OTOA: variants seen among roughly 807,000 people sequenced by gnomAD.
OTOA encodes cancer/testis antigen 108.
A neutral mutation model predicts 110.8 loss-of-function variants in OTOA; 70 were observed. The ratio of observed to expected loss-of-function variants is 0.63; its 90% CI spans 0.52 to 0.77. The LOEUF is 0.77. Ranked by LOEUF, OTOA falls within the 30% of genes least tolerant of loss-of-function variation. The pLI is 0.00. For synonymous variants in OTOA, 373 were observed against 431.5 expected (o/e 0.86, Z 1.68); for missense variants, 917 against 1,075.8 (o/e 0.85, Z 2.06).
At chr16:21,736,570 C>G (rs1374085326) in intron 22 of OTOA, among the ~76,000 whole-genome samples, 180 bp downstream of exon 22, 3 of 152,204 alleles carry the variant, frequency 2.0e-5, no homozygotes, top group Non-Finnish European at 2.9e-5. Flanking sequence ...GTTGCTCAAG[C>G]CTGTAATCCT....
chr16:21,714,259 C>A, intron 13 of OTOA, among the ~76,000 whole-genome samples: 1 of 141,784 alleles, frequency 7.1e-6, no homozygotes. Flanking sequence ...TTTTTTCTTT[C>A]TTTCTTTCTT....
At chr16:21,716,698 G>A (rs1898564423) in intron 14 of OTOA, among the ~76,000 whole-genome samples, 2 of 152,004 alleles carry the variant, frequency 1.3e-5, no homozygotes, top group South Asian at 4.1e-4. Flanking sequence ...AGACAGACTT[G>A]GGCTTGAATG....
At chr16:21,691,855 C>A (rs926553771) in intron 9 of OTOA, among the ~76,000 whole-genome samples, 168 bp downstream of exon 9, 5 of 152,142 alleles carry the variant, frequency 3.3e-5, no homozygotes, top group Admixed American at 1.3e-4. Context: ...ACACATACTC[C>A]ATTTCGTCAA....
intron 17 of OTOA, among the ~76,000 whole-genome samples, chr16:21,719,865 G>A (rs1418085788): frequency 1.3e-5 from 2 of 152,046 alleles, no homozygotes; most frequent in Non-Finnish European, 2.9e-5. Flanking sequence ...ACAGTACTCT[G>A]AGAACATTTT....
chr16:21,759,513 C>G (rs1478079469), intron 28 of OTOA, among the ~76,000 whole-genome samples: 4 of 150,770 alleles, frequency 2.7e-5, no homozygotes, highest in Non-Finnish European at 5.9e-5. Flanking sequence ...TGCTGCAGCT[C>G]CTGACCTGAT....
intron 11 of OTOA, among the ~76,000 whole-genome samples, chr16:21,701,774 A>G (rs1898058012): frequency 2.6e-5 from 4 of 151,884 alleles, no homozygotes; most frequent in Admixed American, 2.0e-4. Context: ...GTGTGCCACC[A>G]TGCCCAGCTA....
At chr16:21,719,843 C>T (rs960129898) in intron 17 of OTOA, among the ~76,000 whole-genome samples, 7 of 152,160 alleles carry the variant, frequency 4.6e-5, no homozygotes, top group African/African-American at 1.7e-4. Context: ...CCAGGAGTAG[C>T]TGTGAATGCA....
At chr16:21,706,218 C>T (rs1281284026) in intron 12 of OTOA, among the ~76,000 whole-genome samples, 1 of 152,198 alleles carries the variant, frequency 6.6e-6, no homozygotes, top group African/African-American at 2.4e-5. Flanking sequence ...CTCCCATCTT[C>T]CTCTTCTTCC....
chr16:21,739,857 AT>A (rs1487410925), intron 22 of OTOA, among the ~76,000 whole-genome samples: 1 of 61,200 alleles, frequency 1.6e-5, no homozygotes, highest in African/African-American at 5.6e-5. Context: ...TTTATTTTTT[AT>A]TTTATTTTGA....
At chr16:21,679,286 T>A (rs1005703362) in intron 5 of OTOA, 75 bp downstream of exon 5, 5 of 1,488,744 alleles carry the variant, frequency 3.4e-6, no homozygotes, top group Non-Finnish European at 9.3e-7. Context: ...GTCTCTTAAT[T>A]GTAAAAAGTA....
intron 11 of OTOA, among the ~76,000 whole-genome samples, chr16:21,701,942 A>G (rs1340991172): frequency 7.9e-6 from 1 of 126,442 alleles, no homozygotes; most frequent in African/African-American, 3.1e-5. Context: ...TGGCCCATTC[A>G]ATCCTGTTTT....
intron 7 of OTOA, among the ~76,000 whole-genome samples, chr16:21,685,995 A>C (rs150488137): frequency 6.6e-6 from 1 of 152,296 alleles, no homozygotes; most frequent in African/African-American, 2.4e-5. Flanking sequence ...GCACTCAAGG[A>C]GCTCACGGTC....
intron 8 of OTOA, 89 bp from the exon 9 acceptor site, chr16:21,691,495 C>T: frequency 9.3e-7 from 1 of 1,071,118 alleles, no homozygotes; most frequent in Non-Finnish European, 1.4e-6. Flanking sequence ...CACAAGACAG[C>T]TTTGGGTCAC....
intron 14 of OTOA, 81 bp downstream of exon 14, chr16:21,715,233 G>A (rs1014225990): frequency 1.3e-6 from 2 of 1,582,512 alleles, no homozygotes; most frequent in Admixed American, 3.3e-5. Flanking sequence ...GTGACTTTGG[G>A]CCATGAACCC....
At chr16:21,681,893 G>GT (rs1227888072) in intron 6 of OTOA, 68 bp downstream of exon 6, 4 of 1,450,880 alleles carry the variant, frequency 2.8e-6, no homozygotes, top group Non-Finnish European at 3.9e-6. Flanking sequence ...CAGGGGCCAG[G>GT]TAAGTTGGAG....
At chr16:21,677,550 C>T (rs1362310089) in intron 1 of OTOA, among the ~76,000 whole-genome samples, 5 of 139,500 alleles carry the variant, frequency 3.6e-5, no homozygotes, top group South Asian at 2.3e-4. Flanking sequence ...GGCGTGATCT[C>T]GGCTCACTGC....
chr16:21,672,490 G>C (rs1431960244), intron 1 of OTOA, among the ~76,000 whole-genome samples: 1 of 151,954 alleles, frequency 6.6e-6, no homozygotes, highest in African/African-American at 2.4e-5. Context: ...GGGTGTGGTG[G>C]CGCATGCCTG....
Position 21,736,296 on chromosome 16 carries a change from G to A in OTOA, c.2337G>A (p.Met779Ile), listed in dbSNP as rs1899293350. 1.2e-6 allele frequency: 2 copies of A among 1,613,994 alleles called. No individual in the cohort carries two copies. Among genetic ancestry groups the A allele is most frequent in the Non-Finnish European group, 1.7e-6 (2 of 1,179,914 alleles). ...PEILLQAASK[M>I]ARTLPTKEFL... ...TCCTTCTGCAAGCAGCTTCCAAGAT[G>A]GCCAGGACCCTGCCCACTAAAGAAT... The change falls in exon 22 of 29, where the codon ATG becomes ATA. Residue 779 changes from methionine to isoleucine, a missense_variant. Physicochemically the swap from Met to Ile is conservative, Grantham distance 10 (BLOSUM62 1). Transcript: ENST00000646100.
intron 20 of OTOA, among the ~76,000 whole-genome samples, chr16:21,728,935 A>T (rs1229734508): frequency 6.6e-6 from 1 of 152,104 alleles, no homozygotes; most frequent in African/African-American, 2.4e-5. Flanking sequence ...CTGCCCTAAA[A>T]ATCTCAAAGA....
Sources: gnomAD v4.1 joint callset for allele counts (sites outside exome capture counted in the v4.1 genomes callset) on GRCh38, gnomAD v4.1.1 for gene constraint, MANE v1.5 for transcripts, NCBI Gene and HGNC (gene_info 2026-07-23, HGNC 2026-07-21) for gene names.